The following LRRC4C variants were observed in gnomAD, a reference collection of about 807,000 sequenced individuals.
LRRC4C encodes the protein leucine-rich repeat-containing protein 4C.
LRRC4C carries 5 observed loss-of-function variants against 33.6 expected under a neutral mutation model. The observed-to-expected ratio is 0.15, with a 90% CI of 0.08 to 0.31. LRRC4C has a LOEUF of 0.31. Ranked by LOEUF, LRRC4C falls within the 10% of genes least tolerant of loss-of-function variation. LRRC4C has a pLI of 1.00. For synonymous variants in LRRC4C, 329 were observed against 302.0 expected (o/e 1.09, Z -0.93); for missense variants, 560 against 796.7 (o/e 0.70, Z 3.58).
chr11:40,645,209 G>A (rs1390008516), intron 3 of LRRC4C, among the ~76,000 whole-genome samples: 1 of 152,144 alleles, frequency 6.6e-6, no homozygotes, highest in East Asian at 1.9e-4. Context: ...TTGACCAAAA[G>A]TCAAGCAAAT....
intron 3 of LRRC4C, among the ~76,000 whole-genome samples, chr11:40,629,466 G>T (rs948874150): frequency 6.6e-6 from 1 of 152,044 alleles, no homozygotes. Flanking sequence ...AATTTTAAGC[G>T]TTTGTTTCCC....
chr11:40,608,458 C>T (rs1960863746), intron 3 of LRRC4C, among the ~76,000 whole-genome samples: 1 of 151,740 alleles, frequency 6.6e-6, no homozygotes, highest in African/African-American at 2.4e-5. Context: ...CAAAGGAAGA[C>T]AGCAAAAGAA....
intron 1 of LRRC4C, among the ~76,000 whole-genome samples, chr11:41,175,238 C>G (rs1945147340): frequency 6.6e-6 from 1 of 152,056 alleles, no homozygotes; most frequent in African/African-American, 2.4e-5. Context: ...CTTTCTGACT[C>G]CAACCCAGTT....
intron 1 of LRRC4C, among the ~76,000 whole-genome samples, chr11:41,206,529 C>T (rs1946609190): frequency 1.3e-5 from 2 of 152,164 alleles, no homozygotes; most frequent in Admixed American, 1.3e-4. Flanking sequence ...CAGCTTTCCT[C>T]CTGTATCTAC....
intron 1 of LRRC4C, among the ~76,000 whole-genome samples, chr11:41,416,171 A>G (rs1954672400): frequency 6.6e-6 from 1 of 152,066 alleles, no homozygotes; most frequent in African/African-American, 2.4e-5. Flanking sequence ...ACTCTATAAT[A>G]CAGAATCTCA....
intron 1 of LRRC4C, among the ~76,000 whole-genome samples, chr11:41,260,261 C>G (rs1200378108): frequency 6.6e-6 from 1 of 151,884 alleles, no homozygotes; most frequent in Admixed American, 6.6e-5. Flanking sequence ...TGAGAACTCA[C>G]AAAAGTTTAC....
intron 3 of LRRC4C, among the ~76,000 whole-genome samples, chr11:40,460,101 T>C (rs915249317): frequency 4.6e-5 from 7 of 152,150 alleles, no homozygotes; most frequent in Non-Finnish European, 8.8e-5. Flanking sequence ...TAGTTTACTC[T>C]TTCCACAAAA....
intron 2 of LRRC4C, among the ~76,000 whole-genome samples, chr11:40,767,507 A>G (rs1949529764): frequency 1.3e-5 from 2 of 152,132 alleles, no homozygotes; most frequent in African/African-American, 4.8e-5. Context: ...TTTATTCATT[A>G]GCTGAGGAAT....
At chr11:41,096,540 A>G (rs988812) in intron 1 of LRRC4C, among the ~76,000 whole-genome samples, 147,231 of 152,228 alleles carry the variant, frequency 0.97, 71,407 homozygotes, top group East Asian at 1. Context: ...GAGATCATTC[A>G]TCTCATTGGC....
chr11:41,367,663 AC>A (rs1222589166), intron 1 of LRRC4C, among the ~76,000 whole-genome samples: 33 of 152,126 alleles, frequency 2.2e-4, no homozygotes, highest in East Asian at 1.5e-3. Context: ...GTATATACAT[AC>A]CCCTTCTTCA....
intron 1 of LRRC4C, among the ~76,000 whole-genome samples, chr11:41,022,415 T>G (rs910832531): frequency 6.6e-6 from 1 of 151,826 alleles, no homozygotes; most frequent in African/African-American, 2.4e-5. Context: ...AGCAAGGAGA[T>G]TTGCCTTTTA....
At chr11:40,699,266 T>C (rs1945741798) in intron 2 of LRRC4C, among the ~76,000 whole-genome samples, 1 of 152,222 alleles carries the variant, frequency 6.6e-6, no homozygotes, top group African/African-American at 2.4e-5. Context: ...TTACAAAATT[T>C]ATTTGAAATG....
chr11:41,313,379 T>A (rs544147876), intron 1 of LRRC4C, among the ~76,000 whole-genome samples: 1 of 152,214 alleles, frequency 6.6e-6, no homozygotes, highest in African/African-American at 2.4e-5. Flanking sequence ...AGTGTCACTT[T>A]GTCTAGAATT....
chr11:40,118,491 T>C (rs553789559), intron 6 of LRRC4C, among the ~76,000 whole-genome samples: 51 of 152,218 alleles, frequency 3.4e-4, no homozygotes, highest in African/African-American at 1.2e-3. Flanking sequence ...GAAGTCCACA[T>C]TGGCACAAGA....
chr11:40,145,895 G>C (rs924973906), intron 5 of LRRC4C, among the ~76,000 whole-genome samples: 1 of 152,080 alleles, frequency 6.6e-6, no homozygotes, highest in African/African-American at 2.4e-5. Context: ...GCATATACCA[G>C]GAAATGAATT....
intron 1 of LRRC4C, among the ~76,000 whole-genome samples, chr11:41,275,268 A>C (rs1949447602): frequency 6.6e-6 from 1 of 152,152 alleles, no homozygotes; most frequent in African/African-American, 2.4e-5. Context: ...TCTTCATAGT[A>C]ATGCAAAATG....
Position 40,526,076 on chromosome 11 carries a change from A to T in LRRC4C, c.-270+122066T>A, listed in dbSNP as rs548609240. Among the ~76,000 whole-genome samples the T allele has an allele frequency of 1.0e-4, 15 of 146,340 alleles. 1 individual carries two copies. The South Asian group carries it at 1.9e-3, about 19-fold the overall frequency. On this transcript the variant is annotated intron_variant, in intron 3 of 6. Coordinates refer to ENST00000528697, the MANE Select transcript of LRRC4C (RefSeq NM_001258419.2). ...TGAACCTTAATACATGCCTCTAATT[A>T]AAAAAAAAAGTACTAGGTGTAGTTT...
chr11:40,755,304 T>C (rs1948893438), intron 2 of LRRC4C, among the ~76,000 whole-genome samples: 2 of 152,026 alleles, frequency 1.3e-5, no homozygotes, highest in South Asian at 2.1e-4. Context: ...GCATAAACTC[T>C]AGGAAGAGAG....
At chr11:40,468,399 A>T (rs2138259984) in intron 3 of LRRC4C, among the ~76,000 whole-genome samples, 1 of 152,352 alleles carries the variant, frequency 6.6e-6, no homozygotes, top group South Asian at 2.1e-4. Flanking sequence ...TCTAAAAGAC[A>T]TCACCTGTTT....
Sources: allele counts gnomAD v4.1 joint callset (sites outside exome capture counted in the v4.1 genomes callset), GRCh38; gene constraint gnomAD v4.1.1; transcripts MANE v1.5; gene names NCBI Gene and HGNC (gene_info 2026-07-23, HGNC 2026-07-21).